The following TSPAN12 variants were observed in gnomAD, a reference collection of about 807,000 sequenced individuals.
TSPAN12 encodes tetraspanin-12.
TSPAN12 carries 19 observed loss-of-function variants against 39.2 expected under a neutral mutation model. The observed-to-expected ratio is 0.49, with a 90% CI of 0.34 to 0.71. The LOEUF (loss-of-function observed/expected upper bound fraction) is 0.71. TSPAN12 is among the 30% of genes least tolerant of loss of function. The pLI, the probability that TSPAN12 is intolerant of heterozygous loss-of-function variation, is 0.01. For missense variants in TSPAN12, 314 were observed against 359.9 expected, an observed-to-expected ratio of 0.87 and a Z score of 1.03; for synonymous variants, 119 against 124.8, an observed-to-expected ratio of 0.95 and a Z score of 0.31.
intron 4 of TSPAN12, among the ~76,000 whole-genome samples, chr7:120,822,354 C>T (rs143095501): frequency 2.0e-5 from 3 of 152,096 alleles, no homozygotes; most frequent in Non-Finnish European, 2.9e-5. Context: ...TAGGATTTCC[C>T]CCTAAAGAAA....
rs989459235 is a variant in TSPAN12 at position 120,856,828 on chromosome 7, A to C, written c.-65T>G. 3 of 1,551,524 alleles carry C rather than the reference A, an allele frequency of 1.9e-6. No individual in the cohort carries two copies. The African/African-American group carries it at 4.1e-5, about 21-fold the overall frequency. On this transcript the variant is annotated 5_prime_UTR_variant, in exon 2 of 8. Transcript: ENST00000222747. ...ATCCTACTCCCAAGGGCAAAACGGC[A>C]GCGATCTGCAGGGGGCGGGGGAGAG...
intron 4 of TSPAN12, 93 bp downstream of exon 4, chr7:120,838,684 A>G (rs1041402586): frequency 2.2e-6 from 3 of 1,354,270 alleles, no homozygotes; most frequent in Non-Finnish European, 3.1e-6. Flanking sequence ...TGTTACTGCT[A>G]TCACTGCTCC....
Position 120,820,311 on chromosome 7 carries a change from T to TA in TSPAN12, c.286-4509dup, listed in dbSNP as rs963720699. On this transcript the variant is annotated intron_variant, in intron 4 of 7. Transcript: ENST00000222747. ...AGTTTGCTTATCTGCCTGATAAAGATAAAAAAAAGAACCCCCTTTTACAGT... is the reference window on the plus strand; with the variant it reads ...AGTTTGCTTATCTGCCTGATAAAGATAAAAAAAAAGAACCCCCTTTTACAGT... 9.9e-5 allele frequency among the ~76,000 whole-genome samples: 15 copies of TA among 152,012 alleles called. No homozygotes were observed. In the South Asian group the frequency reaches 2.3e-3, roughly 23 times the overall value.
intron 4 of TSPAN12, among the ~76,000 whole-genome samples, chr7:120,820,625 G>C (rs536615817): frequency 1.3e-5 from 2 of 152,168 alleles, no homozygotes; most frequent in Admixed American, 1.3e-4. Flanking sequence ...TAAACCACTT[G>C]GCTGTCCTAC....
intron 4 of TSPAN12, among the ~76,000 whole-genome samples, chr7:120,821,553 T>C (rs551272545): frequency 1.3e-5 from 2 of 152,262 alleles, no homozygotes; most frequent in East Asian, 3.9e-4. Context: ...TACACCTCAG[T>C]TTCTTCATTT....
At chr7:120,808,814 C>G (rs1793923783) in intron 6 of TSPAN12, among the ~76,000 whole-genome samples, 2 of 151,872 alleles carry the variant, frequency 1.3e-5, no homozygotes, top group African/African-American at 2.4e-5. Flanking sequence ...AATTGGGTCC[C>G]CCACCCAAAT....
chr7:120,810,452 G>A lies in TSPAN12; in HGVS notation c.468+11C>T. 1.3e-6 allele frequency: 2 copies of A among 1,538,530 alleles called. No individual in the cohort carries two copies. Among genetic ancestry groups the A allele is most frequent in the Non-Finnish European group, 1.8e-6 (2 of 1,111,214 alleles). On this transcript the variant is annotated intron_variant, in intron 6 of 7. Coordinates refer to ENST00000222747, the MANE Select transcript of TSPAN12 (RefSeq NM_012338.4). ...CTTCACTCTCTCTACCTCAGAAATT[G>A]TAGCACTTACCTCTCTCTGAAAAAA...
intron 4 of TSPAN12, among the ~76,000 whole-genome samples, chr7:120,819,037 TAAGAA>T (rs1396766121): frequency 2.6e-5 from 4 of 152,114 alleles, no homozygotes; most frequent in African/African-American, 9.7e-5. Context: ...TAATCTTTGA[TAAGAA>T]AAGACCCTTA....
chr7:120,837,115 T>C (rs1347568177), intron 4 of TSPAN12, among the ~76,000 whole-genome samples: 2 of 152,188 alleles, frequency 1.3e-5, no homozygotes, highest in Non-Finnish European at 2.9e-5. Flanking sequence ...AAATATGTTA[T>C]ACTCTACTCA....
At chr7:120,795,220 T>C (rs2116302034) in intron 7 of TSPAN12, among the ~76,000 whole-genome samples, 1 of 152,330 alleles carries the variant, frequency 6.6e-6, no homozygotes, top group South Asian at 2.1e-4. Context: ...TACTTGAAAA[T>C]GTTTTCTTCC....
chr7:120,853,084 C>T (rs1040886099), intron 2 of TSPAN12, among the ~76,000 whole-genome samples: 1 of 142,860 alleles, frequency 7.0e-6, no homozygotes, highest in African/African-American at 2.8e-5. Context: ...ACAAAAATCC[C>T]AGCAGATTTT....
chr7:120,800,069 A>G (rs975534315), intron 7 of TSPAN12, among the ~76,000 whole-genome samples: 1 of 151,894 alleles, frequency 6.6e-6, no homozygotes, highest in Non-Finnish European at 1.5e-5. Flanking sequence ...AGTGTTGAGA[A>G]CTAAAATATT....
rs191574717 is a variant in TSPAN12 at position 120,820,463 on chromosome 7, G to A, written c.286-4660C>T. On this transcript the variant is annotated intron_variant, in intron 4 of 7. Transcript: ENST00000222747. ...GACTTGTCCTCTCTTTCCGTACATAGCCTTCATTCTCTGCAGTGTGCCACA... is the reference window on the plus strand; with the variant it reads ...GACTTGTCCTCTCTTTCCGTACATAACCTTCATTCTCTGCAGTGTGCCACA... Among the ~76,000 whole-genome samples, 169 of 152,194 alleles carry A rather than the reference G, an allele frequency of 1.1e-3. 1 individual carries two copies. The highest frequency in any genetic ancestry group is 2.1e-4 in the South Asian group (1 of 4,830).
chr7:120,810,323 A>G (rs1793953517), intron 6 of TSPAN12, 140 bp downstream of exon 6: 1 of 666,590 alleles, frequency 1.5e-6, no homozygotes. Flanking sequence ...TTTTTCAAGA[A>G]ATAATTGCAC....
chr7:120,848,167 G>A (rs1794707905), intron 2 of TSPAN12, among the ~76,000 whole-genome samples: 1 of 152,112 alleles, frequency 6.6e-6, no homozygotes, highest in East Asian at 1.9e-4. Context: ...TTCAAGCCCA[G>A]CTTGAACATC....
At chr7:120,799,584 GTAA>G (rs1164577673) in intron 7 of TSPAN12, among the ~76,000 whole-genome samples, 8 of 85,252 alleles carry the variant, frequency 9.4e-5, no homozygotes, top group Admixed American at 3.3e-4. Flanking sequence ...ATAATTATAT[GTAA>G]TAATATAATT....
At chr7:120,829,712 G>T (rs566806880) in intron 4 of TSPAN12, among the ~76,000 whole-genome samples, 7 of 152,234 alleles carry the variant, frequency 4.6e-5, no homozygotes. Flanking sequence ...TGTGCTGCCA[G>T]AAAAATACCT....
intron 2 of TSPAN12, among the ~76,000 whole-genome samples, chr7:120,855,600 CTTTAAT>C (rs1199800540): frequency 3.3e-5 from 5 of 152,152 alleles, no homozygotes; most frequent in Non-Finnish European, 7.4e-5. Flanking sequence ...CTACCCAATG[CTTTAAT>C]TTTGAGAAAT....
At chr7:120,824,694 C>T (rs752130022) in intron 4 of TSPAN12, among the ~76,000 whole-genome samples, 1 of 152,042 alleles carries the variant, frequency 6.6e-6, no homozygotes, top group Non-Finnish European at 1.5e-5. Context: ...TCTAAAAAGA[C>T]AATATTTGCT....
Sources: allele counts gnomAD v4.1 joint callset (sites outside exome capture counted in the v4.1 genomes callset), GRCh38; gene constraint gnomAD v4.1.1; transcripts MANE v1.5; gene names NCBI Gene and HGNC (gene_info 2026-07-23, HGNC 2026-07-21).